Variants in SP110 observed in about 807,000 individuals in gnomAD.
SP110 encodes interferon-induced protein 41, 30kD.
In SP110, 62 loss-of-function variants were observed where a neutral mutation model predicts 92.7. That is an observed-to-expected ratio of 0.67 (90% CI 0.55 to 0.83). The LOEUF is 0.83. SP110 is among the 40% of genes least tolerant of loss of function. SP110 has a pLI of 0.00. For missense variants in SP110, 793 were observed against 863.9 expected (o/e 0.92, Z 1.03); for synonymous variants, 273 against 305.3 (o/e 0.89, Z 1.10).
intron 12 of SP110, among the ~76,000 whole-genome samples, chr2:230,178,958 G>A (rs2041992397): frequency 6.6e-6 from 1 of 152,164 alleles, no homozygotes; most frequent in Non-Finnish European, 1.5e-5. Flanking sequence ...ATTCATTAAA[G>A]AGAGACAGCA....
intron 10 of SP110, among the ~76,000 whole-genome samples, chr2:230,193,415 G>A (rs535093047): frequency 6.6e-6 from 1 of 152,222 alleles, no homozygotes; most frequent in African/African-American, 2.4e-5. Flanking sequence ...ACCTACATAC[G>A]TTGTTTTCTT....
Position 230,211,256 on chromosome 2 carries a change from C to T in SP110, c.751+214G>A, listed in dbSNP as rs1222293658. On this transcript the variant is annotated intron_variant, in intron 6 of 18. Coordinates refer to ENST00000258381, the MANE Select transcript of SP110 (RefSeq NM_080424.4). This position sits in a 1 kb window ranked among gnomAD's most constrained non-coding sequence, Gnocchi z 4.2. ...CCTATCCAAGTCTACCTTTTCCAGA[C>T]TTGCCTCCTTTGCCCTCCCCCAGGG... 6.6e-6 allele frequency among the ~76,000 whole-genome samples: 1 copy of T among 152,194 alleles called. No homozygotes were observed. The highest frequency in any genetic ancestry group is 1.9e-4 in the East Asian group (1 of 5,182).
Position 230,186,142 on chromosome 2 carries a change from C to A in SP110, c.1131G>T (p.Gly377=). ...GGATGCCATGCCCAGGTGAGGCTGCCCCTGGACCAAATAGACTTGTGAATA... is the reference window on the plus strand; with the variant it reads ...GGATGCCATGCCCAGGTGAGGCTGCACCTGGACCAAATAGACTTGTGAATA... ...TPSTPRRVTQ[G]AASPGHGIQE... Residue 377 remains glycine (G), a splice_region_variant and synonymous_variant, in exon 11 of 19, where the codon GGG becomes GGT. Transcript: ENST00000258381. 6.2e-7 allele frequency: 1 copy of A among 1,613,990 alleles called. No homozygotes were observed. The highest frequency in any genetic ancestry group is 8.5e-7 in the Non-Finnish European group (1 of 1,179,938).
chr2:230,196,410 T>C, intron 10 of SP110, among the ~76,000 whole-genome samples: 1 of 151,982 alleles, frequency 6.6e-6, no homozygotes, highest in East Asian at 1.9e-4. Context: ...ATGAAAAAAG[T>C]GATTTATAGA....
In SP110 at chr2:230,212,747, G is replaced by A. The variant is rs1340316021; in HGVS notation, c.583+14C>T. On this transcript the variant is annotated intron_variant, in intron 4 of 18. Coordinates refer to ENST00000258381, the MANE Select transcript of SP110 (RefSeq NM_080424.4). ...CTGAGGATATACAGGTGTTGGATGG[G>A]ATCTGTTTCTCACCTGAAGTGCTTC... The A allele has an allele frequency of 4.3e-6, 7 of 1,613,844 alleles. No homozygotes were observed. In the South Asian group the frequency reaches 7.7e-5, roughly 18 times the overall value.
intron 3 of SP110, chr2:230,214,050 G>A (rs1233139624): frequency 2.0e-5 from 3 of 152,234 alleles, no homozygotes; most frequent in Admixed American, 2.0e-4. Flanking sequence ...ATGTGAGCTG[G>A]TGGTCCTTTG....
At chr2:230,202,462 C>T in intron 9 of SP110, 117 bp downstream of exon 9, 2 of 935,882 alleles carry the variant, frequency 2.1e-6, no homozygotes, top group South Asian at 1.5e-5. Context: ...CATCCTCATT[C>T]TCTGTACTTT....
upstream of SP110, among the ~76,000 whole-genome samples, chr2:230,224,892 T>A (rs1348228605): frequency 6.6e-6 from 1 of 152,244 alleles, no homozygotes; most frequent in African/African-American, 2.4e-5. Context: ...TTATATTTTT[T>A]ATATTTGCCC....
intron 9 of SP110, among the ~76,000 whole-genome samples, chr2:230,202,071 CAA>C: frequency 6.6e-6 from 1 of 152,278 alleles, no homozygotes; most frequent in Non-Finnish European, 1.5e-5. Context: ...CACTCACAAT[CAA>C]AGAGATTTGC....
At position 230,165,996 on chromosome 2, in the gene SP110, C is replaced by T. The variant is rs560398188; in HGVS notation, c.*3128G>A. 8.0e-5 allele frequency among the ~76,000 whole-genome samples: 12 copies of T among 150,756 alleles called. No homozygotes were observed. The highest frequency in any genetic ancestry group is 1.5e-4 in the Non-Finnish European group (10 of 67,850). On this transcript the variant is annotated 3_prime_UTR_variant, in exon 19 of 19. Transcript: ENST00000258381. ...GCAACCTCCACCTCCCGGGTTCAAG[C>T]GATTCTCCTGCCTCAGCCTCTTGAG...
rs376774402 is a variant in SP110, at chr2:230,192,487, A to G, written c.1130-6344T>C. Among the ~76,000 whole-genome samples, 4 of 152,164 alleles carry G rather than the reference A, an allele frequency of 2.6e-5. No individual in the cohort carries two copies. The East Asian group carries it at 7.7e-4, about 29-fold the overall frequency. ...AAAATCACAAGTATGCCTTTACACC[A>G]ACAATAGGCAAGCAGAGAGCCAAAT... On this transcript the variant is annotated intron_variant, in intron 10 of 18. Transcript: ENST00000258381.
intron 8 of SP110, among the ~76,000 whole-genome samples, chr2:230,206,599 A>T (rs1158022842): frequency 1.7e-4 from 6 of 35,962 alleles, no homozygotes; most frequent in African/African-American, 7.4e-4. Flanking sequence ...CAGATTTTAT[A>T]TATATATATA....
chr2:230,214,357 T>A (rs1364697449), intron 3 of SP110, among the ~76,000 whole-genome samples: 1 of 152,178 alleles, frequency 6.6e-6, no homozygotes, highest in African/African-American at 2.4e-5. Flanking sequence ...TTGTCCGGAC[T>A]AGTGGTTAAA....
chr2:230,219,861 G>A lies in SP110; in HGVS notation c.-2+13C>T. 1.0e-6 allele frequency: 1 copy of A among 963,596 alleles called. No homozygotes were observed. The highest frequency in any genetic ancestry group is 1.2e-6 in the Non-Finnish European group (1 of 809,950). The allele number at this position is 963,596 out of a possible 1,614,324, so 59.7% of individuals were successfully genotyped here. On this transcript the variant is annotated intron_variant, in intron 1 of 18. Coordinates refer to ENST00000258381, the MANE Select transcript of SP110 (RefSeq NM_080424.4). ...CAAGAGCGAAGAATAAAGCAGCAAA[G>A]ACAGAAACTCACCTGGACTTTGAGT... is the stretch of plus-strand genomic sequence containing the variant.
chr2:230,220,052 A>T (rs1161345446), upstream of SP110: 1 of 985,412 alleles, frequency 1.0e-6, no homozygotes, highest in Non-Finnish European at 1.2e-6. Context: ...GGAGTTTGCC[A>T]AGCCGGAAGC....
At position 230,183,970 on chromosome 2, in the gene SP110, C is replaced by T. The variant is rs1484811998; in HGVS notation, c.1280-330G>A. 5.3e-5 allele frequency among the ~76,000 whole-genome samples: 8 copies of T among 152,192 alleles called. 1 individual carries two copies. The highest frequency in any genetic ancestry group is 5.2e-4 in the Admixed American group (8 of 15,288). On this transcript the variant is annotated intron_variant, in intron 11 of 18. Transcript: ENST00000258381. The stretch of plus-strand genomic sequence containing the variant: ...GTATTTCAAGCCCTCCAGTGGATGC[C>T]TGAAACCATGGGTAGTGCCCACCCC...
At chr2:230,175,278 A>C (rs1574598703) in intron 14 of SP110, among the ~76,000 whole-genome samples, 1 of 152,192 alleles carries the variant, frequency 6.6e-6, no homozygotes, top group South Asian at 2.1e-4. Flanking sequence ...TCCTGACCAC[A>C]AAACCATTTG....
chr2:230,167,156 G>T lies in SP110; in HGVS notation c.*1968C>A, dbSNP rs1037316011. 1 of 145,784 alleles carries T rather than the reference G, an allele frequency of 6.9e-6. No individual in the cohort carries two copies. Among genetic ancestry groups the T allele is most frequent in the Non-Finnish European group, 1.5e-5 (1 of 67,238 alleles). The allele number at this position is 145,784 out of a possible 1,614,324, so 9.0% of individuals were successfully genotyped here. A position where few individuals can be genotyped will look rare whatever the true frequency, so the allele number is the denominator to read the frequency against. Reference sequence around the variant, plus strand: ...GGGTCTCTGTTGTCCAGGCTGGAGTGCAGTGGTGCATTCTTGGCTCACTGC... The same window carrying T: ...GGGTCTCTGTTGTCCAGGCTGGAGTTCAGTGGTGCATTCTTGGCTCACTGC... On this transcript the variant is annotated 3_prime_UTR_variant, in exon 19 of 19. Transcript: ENST00000258381.
chr2:230,183,792 T>TAAG, intron 11 of SP110, 152 bp from the exon 12 acceptor site: 1 of 658,354 alleles, frequency 1.5e-6, no homozygotes. Context: ...CTTGTAGCAT[T>TAAG]GACTAAGGAA....
Sources: gnomAD v4.1 joint callset for allele counts (sites outside exome capture counted in the v4.1 genomes callset) on GRCh38, gnomAD v4.1.1 for gene constraint, Gnocchi (gnomAD v3.1) non-coding constraint, MANE v1.5 for transcripts, NCBI Gene and HGNC (gene_info 2026-07-23, HGNC 2026-07-21) for gene names.